The following CRYGD variants were observed in gnomAD, a reference collection of about 807,000 sequenced individuals.
CRYGD encodes gamma-crystallin D.
CRYGD carries 13 observed loss-of-function variants against 11.3 expected under a neutral mutation model. The observed-to-expected ratio is 1.15, with a 90% CI of 0.75 to 1.83. CRYGD has a LOEUF of 1.83. CRYGD is among the 40% of genes most tolerant of loss of function. The probability of loss-of-function intolerance (pLI) is 0.00; values close to 1 mark genes in which losing one functional copy is unlikely to be tolerated. For missense variants in CRYGD, 231 were observed against 229.9 expected (o/e 1.00, Z -0.03); for synonymous variants, 77 against 89.5 (o/e 0.86, Z 0.79).
intron 2 of CRYGD, 148 bp downstream of exon 2, chr2:208,123,964 C>T (rs1194521146): frequency 1.6e-6 from 2 of 1,213,494 alleles, no homozygotes; most frequent in Non-Finnish European, 2.4e-6. Flanking sequence ...ATGTGGGGAG[C>T]AAACTCTATT....
chr2:208,124,181 G>A lies in CRYGD; in HGVS notation c.183C>T (p.Gly61=). The part of the protein sequence containing the change: ...YSGLQYFLRR[G]DYADHQQWMG... ...TCCACTGCTGGTGGTCGGCATAGTC[G>A]CCGCGGCGCAGGAAGTACTGGAGGC... is the stretch of plus-strand genomic sequence containing the variant. Residue 61 remains glycine (G), a synonymous_variant, in exon 2 of 3, where the codon GGC becomes GGT. Coordinates refer to ENST00000264376, the MANE Select transcript of CRYGD (RefSeq NM_006891.4). 1 of 1,611,694 alleles carries A rather than the reference G, an allele frequency of 6.2e-7. No homozygotes were observed. The highest frequency in any genetic ancestry group is 8.5e-7 in the Non-Finnish European group (1 of 1,179,898).
At chr2:208,122,109 A>C (rs1694876439) in intron 2 of CRYGD, among the ~76,000 whole-genome samples, 164 bp from the exon 3 acceptor site, 1 of 152,152 alleles carries the variant, frequency 6.6e-6, no homozygotes. Flanking sequence ...CCGAGCACAG[A>C]GATTCAGTAC....
rs551694249 is a variant in CRYGD at position 208,124,370 on chromosome 2, G to A, written c.10-16C>T. On this transcript the variant is annotated splice_polypyrimidine_tract_variant and intron_variant, in intron 1 of 2. Coordinates refer to ENST00000264376, the MANE Select transcript of CRYGD (RefSeq NM_006891.4). Reference sequence around the variant, plus strand: ...AGAGGGTGATCTGCAAGGCAAGGCGGGACAAGGCGAGGTCTCACAGGCCTG... The same window carrying A: ...AGAGGGTGATCTGCAAGGCAAGGCGAGACAAGGCGAGGTCTCACAGGCCTG... 403 of 1,610,916 alleles carry A rather than the reference G, an allele frequency of 2.5e-4. 2 individuals carry two copies. The South Asian group carries it at 4.0e-3, about 16-fold the overall frequency.
At chr2:208,122,470 T>G (rs557594249) in intron 2 of CRYGD, among the ~76,000 whole-genome samples, 1 of 147,874 alleles carries the variant, frequency 6.8e-6, no homozygotes, top group Non-Finnish European at 1.5e-5. Flanking sequence ...TATATTCAAA[T>G]TATATTTTAT....
chr2:208,123,163 A>G (rs1694904302), intron 2 of CRYGD, among the ~76,000 whole-genome samples: 1 of 147,076 alleles, frequency 6.8e-6, no homozygotes, highest in South Asian at 2.1e-4. Context: ...AATATGTTAA[A>G]TATATTTAAA....
chr2:208,121,747 A>G lies in CRYGD; in HGVS notation c.451T>C (p.Tyr151His), dbSNP rs757645815. 2.5e-6 allele frequency: 4 copies of G among 1,614,160 alleles called. No homozygotes were observed. Among genetic ancestry groups the G allele is most frequent in the Non-Finnish European group, 3.4e-6 (4 of 1,180,040 alleles). The change falls in exon 3 of 3, where the codon TAT (tyrosine) becomes CAT (histidine). Residue 151 changes from tyrosine to histidine, a missense_variant. Tyr to His is a moderately conservative substitution (Grantham distance 83, BLOSUM62 2). Coordinates refer to ENST00000264376, the MANE Select transcript of CRYGD (RefSeq NM_006891.4). ...GRQYLLMPGD[Y>H]RRYQDWGATN... ...GCCCCCCAGTCCTGGTAGCGCCTAT[A>G]GTCCCCTGGCATCAGCAGGTACTGC...
At chr2:208,123,543 A>G (rs1329048001) in intron 2 of CRYGD, among the ~76,000 whole-genome samples, 1 of 151,926 alleles carries the variant, frequency 6.6e-6, no homozygotes, top group African/African-American at 2.4e-5. Context: ...TGTGAATGCA[A>G]TGAAGAAAAA....
At chr2:208,124,006 A>G in intron 2 of CRYGD, 106 bp downstream of exon 2, 1 of 1,520,904 alleles carries the variant, frequency 6.6e-7, no homozygotes, top group Non-Finnish European at 9.0e-7. Context: ...TCTTTTGTCC[A>G]CTCTCAGTTA....
At chr2:208,122,397 ATATAT>A (rs1039615126) in intron 2 of CRYGD, among the ~76,000 whole-genome samples, 10 of 147,958 alleles carry the variant, frequency 6.8e-5, no homozygotes, top group Non-Finnish European at 1.0e-4. Context: ...TATATTTAAA[ATATAT>A]TATAAAATGT....
At position 208,124,481 on chromosome 2, in the gene CRYGD, T is replaced by C; in HGVS notation, c.-8A>G. The C allele has an allele frequency of 1.3e-6, 2 of 1,570,238 alleles. No individual in the cohort carries two copies. The highest frequency in any genetic ancestry group is 1.7e-6 in the Non-Finnish European group (2 of 1,158,946). On this transcript the variant is annotated 5_prime_UTR_variant, in exon 1 of 3. Transcript: ENST00000264376. ...TGGGCTCACCTTCCCCATGGCTGGC[T>C]GGGCGCACGGCGGTGCTGAGCTGGT...
chr2:208,123,007 C>T (rs939573623), intron 2 of CRYGD, among the ~76,000 whole-genome samples: 1 of 149,564 alleles, frequency 6.7e-6, no homozygotes, highest in African/African-American at 2.4e-5. Context: ...TGCAGTGAGC[C>T]GAGATTGCAC....
rs774950923 is a variant in CRYGD, at chr2:208,121,854, C to A, written c.344G>T (p.Arg115Leu). The A allele has an allele frequency of 1.9e-6, 3 of 1,614,160 alleles. No homozygotes were observed. The highest frequency in any genetic ancestry group is 2.2e-5 in the East Asian group (1 of 44,880). ...GGAGTGGATTTCATTGAAGCGGAAG[C>A]GGTCCTGAAGACAGGAGCAGTCCTC... The part of the protein sequence containing the change: ...FTEDCSCLQD[R>L]FRFNEIHSLN... Residue 115 changes from arginine to leucine, a missense_variant, in exon 3 of 3, where the codon CGC becomes CTC. Coordinates refer to ENST00000264376, the MANE Select transcript of CRYGD (RefSeq NM_006891.4).
Position 208,124,194 on chromosome 2 carries a change from A to T in CRYGD, c.170T>A (p.Phe57Tyr). Residue 57 changes from phenylalanine (F) to tyrosine (Y), a missense_variant, in exon 2 of 3, where the codon TTC (phenylalanine) becomes TAC (tyrosine). Physicochemically the swap from Phe to Tyr is conservative, Grantham distance 22. Coordinates refer to ENST00000264376, the MANE Select transcript of CRYGD (RefSeq NM_006891.4). ...GTCGGCATAGTCGCCGCGGCGCAGG[A>T]AGTACTGGAGGCCCGAGTAGTTGGG... ...EQPNYSGLQY[F>Y]LRRGDYADHQ... The T allele has an allele frequency of 6.2e-7, 1 of 1,611,898 alleles. No homozygotes were observed. The highest frequency in any genetic ancestry group is 8.5e-7 in the Non-Finnish European group (1 of 1,179,912).
Position 208,121,950 on chromosome 2 carries a change from C to T in CRYGD, c.253-5G>A, listed in dbSNP as rs755483149. ...TCTGATCCTGTGAGAGCCAGACTGG[C>T]GGACCCAGAAATAAAAAGAGAAGAA... On this transcript the variant is annotated splice_region_variant and splice_polypyrimidine_tract_variant and intron_variant, in intron 2 of 2. Coordinates refer to ENST00000264376, the MANE Select transcript of CRYGD (RefSeq NM_006891.4). 3.7e-5 allele frequency: 60 copies of T among 1,613,866 alleles called. 1 individual carries two copies. Among genetic ancestry groups the T allele is most frequent in the Admixed American group, 3.7e-4 (22 of 59,994 alleles).
chr2:208,124,459 G>A lies in CRYGD; in HGVS notation c.9+6C>T. 6.3e-7 allele frequency: 1 copy of A among 1,577,576 alleles called. No homozygotes were observed. Among genetic ancestry groups the A allele is most frequent in the Non-Finnish European group, 8.6e-7 (1 of 1,162,692 alleles). ...TCCGGGGTCCCGGGGCGCAGGCTGG[G>A]CTCACCTTCCCCATGGCTGGCTGGG... On this transcript the variant is annotated splice_donor_region_variant and intron_variant, in intron 1 of 2. Coordinates refer to ENST00000264376, the MANE Select transcript of CRYGD (RefSeq NM_006891.4).
chr2:208,122,653 A>G (rs1025547800), intron 2 of CRYGD, among the ~76,000 whole-genome samples: 1 of 150,666 alleles, frequency 6.6e-6, no homozygotes, highest in Non-Finnish European at 1.5e-5. Context: ...ACTTGAGGTC[A>G]GGAGTTCAAG....
At chr2:208,123,218 TTTATTAAATAAATATA>T (rs1694906465) in intron 2 of CRYGD, among the ~76,000 whole-genome samples, 1 of 146,958 alleles carries the variant, frequency 6.8e-6, no homozygotes, top group African/African-American at 2.5e-5. Flanking sequence ...TAAATACATA[TTTATTAAATAAATATA>T]TTATTAAATA....
At position 208,124,208 on chromosome 2, in the gene CRYGD, C is replaced by G. The variant is rs778885136; in HGVS notation, c.156G>C (p.Ser52=). The G allele has an allele frequency of 1.2e-6, 2 of 1,612,094 alleles. No homozygotes were observed. Among genetic ancestry groups the G allele is most frequent in the South Asian group, 1.1e-5 (1 of 91,010 alleles). The change falls in exon 2 of 3, where the codon TCG becomes TCC. Residue 52 remains serine (S), a synonymous_variant. Transcript: ENST00000264376. ...CGCGGCGCAGGAAGTACTGGAGGCC[C>G]GAGTAGTTGGGCTGCTCATAGAGCA... The part of the protein sequence containing the change: ...CWMLYEQPNY[S]GLQYFLRRGD...
chr2:208,124,004 C>T, intron 2 of CRYGD, 108 bp downstream of exon 2: 1 of 1,510,732 alleles, frequency 6.6e-7, no homozygotes, highest in South Asian at 1.2e-5. Context: ...CATCTTTTGT[C>T]CACTCTCAGT....
Sources: allele counts gnomAD v4.1 joint callset (sites outside exome capture counted in the v4.1 genomes callset), GRCh38; gene constraint gnomAD v4.1.1; transcripts MANE v1.5; gene names NCBI Gene and HGNC (gene_info 2026-07-23, HGNC 2026-07-21).